DPP10: variants seen among roughly 807,000 people sequenced by gnomAD.
DPP10 encodes the protein inactive dipeptidyl peptidase 10.
Under a neutral mutation model 120.9 loss-of-function variants are expected in DPP10, and 33 were observed. That is an observed-to-expected ratio of 0.27 (90% CI 0.21 to 0.37). The LOEUF (loss-of-function observed/expected upper bound fraction) is 0.37. Among genes scored for constraint, DPP10 ranks in the 10% least tolerant of loss-of-function variants. The pLI is 1.00. For synonymous variants in DPP10, 337 were observed against 326.1 expected, an observed-to-expected ratio of 1.03 and a Z score of -0.36; for missense variants, 816 against 942.8, an observed-to-expected ratio of 0.87 and a Z score of 1.76.
intron 1 of DPP10, among the ~76,000 whole-genome samples, chr2:115,297,514 T>C (rs1274072391): frequency 4.6e-5 from 7 of 152,088 alleles, no homozygotes; most frequent in Admixed American, 3.9e-4. Flanking sequence ...ATAAATATTA[T>C]ACTAAGCCCA....
intron 1 of DPP10, among the ~76,000 whole-genome samples, chr2:114,650,745 C>T (rs1180641585): frequency 1.3e-5 from 2 of 152,098 alleles, no homozygotes; most frequent in Non-Finnish European, 2.9e-5. Flanking sequence ...TCAATCCGCT[C>T]CCTCTAAAAT....
At chr2:115,668,756 CTT>C (rs769643933) in intron 5 of DPP10, among the ~76,000 whole-genome samples, 1 of 152,232 alleles carries the variant, frequency 6.6e-6, no homozygotes, top group East Asian at 1.9e-4. Context: ...TTTCCACACT[CTT>C]ATAATTCCCC....
intron 2 of DPP10, among the ~76,000 whole-genome samples, chr2:115,340,660 A>G (rs1433779648): frequency 6.6e-6 from 1 of 151,790 alleles, no homozygotes; most frequent in African/African-American, 2.4e-5. Flanking sequence ...TTAAGTTAAC[A>G]TCTTCCTAAA....
At chr2:115,834,504 A>ATT (rs35220280) in intron 21 of DPP10, among the ~76,000 whole-genome samples, 600 of 148,222 alleles carry the variant, frequency 4.0e-3, no homozygotes, top group Non-Finnish European at 6.2e-3. Flanking sequence ...TCAGTAGGTC[A>ATT]TTTTTTTTTT....
At chr2:114,604,373 G>A (rs931540936) in intron 1 of DPP10, among the ~76,000 whole-genome samples, 5 of 152,008 alleles carry the variant, frequency 3.3e-5, no homozygotes, top group African/African-American at 1.2e-4. Context: ...TATTAACATA[G>A]TCTTAGGGTG....
chr2:114,534,468 G>A (rs553401564), intron 1 of DPP10, among the ~76,000 whole-genome samples: 12 of 152,210 alleles, frequency 7.9e-5, no homozygotes, highest in African/African-American at 2.2e-4. Context: ...TTTCAGATTC[G>A]CAAGAGGAGA....
intron 3 of DPP10, among the ~76,000 whole-genome samples, chr2:115,484,429 G>T (rs2075642433): frequency 6.6e-6 from 1 of 152,056 alleles, no homozygotes; most frequent in African/African-American, 2.4e-5. Flanking sequence ...GCAGTAATGG[G>T]CATGTGATTT....
At chr2:115,836,412 G>A in intron 22 of DPP10, 95 bp from the exon 23 acceptor site, 2 of 1,497,500 alleles carry the variant, frequency 1.3e-6, no homozygotes, top group African/African-American at 1.4e-5. Context: ...TTTTACTAAA[G>A]CATGACAATT....
chr2:115,842,406 A>C lies in DPP10; in HGVS notation c.*61A>C, dbSNP rs922483553. 6.4e-5 allele frequency: 100 copies of C among 1,551,252 alleles called. No individual in the cohort carries two copies. Among genetic ancestry groups the C allele is most frequent in the African/African-American group, 2.7e-5 (2 of 73,828 alleles). On this transcript the variant is annotated 3_prime_UTR_variant, in exon 26 of 26. Coordinates refer to ENST00000410059, the MANE Select transcript of DPP10 (RefSeq NM_020868.6). ...AGGCTCAATGAAACCTGACAAAGAGACTGTAATATTGTAGTTGCTCCAGAA... is the reference window on the plus strand; with the variant it reads ...AGGCTCAATGAAACCTGACAAAGAGCCTGTAATATTGTAGTTGCTCCAGAA...
chr2:115,332,726 T>C (rs2106182011), intron 2 of DPP10, among the ~76,000 whole-genome samples: 1 of 152,332 alleles, frequency 6.6e-6, no homozygotes, highest in East Asian at 1.9e-4. Flanking sequence ...TCCATGTAGT[T>C]GAGCAGTTTT....
At chr2:114,583,966 G>A (rs979201418) in intron 1 of DPP10, among the ~76,000 whole-genome samples, 1 of 151,938 alleles carries the variant, frequency 6.6e-6, no homozygotes, top group African/African-American at 2.4e-5. Context: ...AAGTCCTTCT[G>A]GAGTGAACAC....
intron 1 of DPP10, among the ~76,000 whole-genome samples, chr2:115,278,167 T>C (rs1410915942): frequency 6.6e-6 from 1 of 152,192 alleles, no homozygotes; most frequent in Non-Finnish European, 1.5e-5. Context: ...AATAATGTGT[T>C]TCCTTGGTAG....
intron 1 of DPP10, among the ~76,000 whole-genome samples, chr2:115,287,407 T>C (rs958928007): frequency 2.0e-5 from 3 of 152,078 alleles, no homozygotes; most frequent in African/African-American, 7.2e-5. Context: ...TAGTGAACAT[T>C]GTATTCAATA....
chr2:115,794,651 C>T (rs533463851), intron 19 of DPP10, among the ~76,000 whole-genome samples: 18 of 152,172 alleles, frequency 1.2e-4, no homozygotes, highest in Middle Eastern at 3.4e-3. Context: ...GTGGTCTCTA[C>T]GGAGTCATGA....
chr2:115,716,057 A>G (rs1265381574), intron 7 of DPP10, among the ~76,000 whole-genome samples: 1 of 152,230 alleles, frequency 6.6e-6, no homozygotes, highest in Non-Finnish European at 1.5e-5. Context: ...TAAGAGATCT[A>G]ATCTAAACCA....
At chr2:115,365,692 G>A (rs1202729163) in intron 3 of DPP10, among the ~76,000 whole-genome samples, 4 of 152,016 alleles carry the variant, frequency 2.6e-5, no homozygotes, top group African/African-American at 9.7e-5. Context: ...TAAGATGGAA[G>A]TCTGTTTTAG....
intron 1 of DPP10, among the ~76,000 whole-genome samples, chr2:114,448,184 CAA>C (rs1343943045): frequency 1.3e-5 from 2 of 152,028 alleles, no homozygotes; most frequent in Non-Finnish European, 2.9e-5. Context: ...TTCATAAAAT[CAA>C]AAGTTTCTTT....
At chr2:115,003,220 A>G (rs202242340) in intron 1 of DPP10, among the ~76,000 whole-genome samples, 5 of 151,668 alleles carry the variant, frequency 3.3e-5, no homozygotes, top group African/African-American at 4.8e-5. Flanking sequence ...TTGCAGTGAC[A>G]TGGGTGAAAC....
At chr2:115,476,115 A>C (rs1016478355) in intron 3 of DPP10, among the ~76,000 whole-genome samples, 1 of 152,144 alleles carries the variant, frequency 6.6e-6, no homozygotes, top group Non-Finnish European at 1.5e-5. Context: ...GTTGAATAAT[A>C]TGGCTTGGAT....
Sources: allele counts gnomAD v4.1 joint callset (sites outside exome capture counted in the v4.1 genomes callset), GRCh38; gene constraint gnomAD v4.1.1; transcripts MANE v1.5; gene names NCBI Gene and HGNC (gene_info 2026-07-23, HGNC 2026-07-21).